The following CSMD1 variants were observed in gnomAD, a reference collection of about 807,000 sequenced individuals.
CSMD1 encodes the protein CUB and sushi domain-containing protein 1.
Under a neutral mutation model 417.5 loss-of-function variants are expected in CSMD1, and 213 were observed. The observed-to-expected ratio is 0.51, with a 90% CI of 0.46 to 0.57. CSMD1 has a LOEUF of 0.57. Ranked by LOEUF, CSMD1 falls within the 20% of genes least tolerant of loss-of-function variation. The pLI, the probability that CSMD1 is intolerant of heterozygous loss-of-function variation, is 0.00. For synonymous variants in CSMD1, 2,862 were observed against 1,736.8 expected, an observed-to-expected ratio of 1.65 and a Z score of -16.11; for missense variants, 6,923 against 4,529.7, an observed-to-expected ratio of 1.53 and a Z score of -15.17.
intron 3 of CSMD1, among the ~76,000 whole-genome samples, chr8:4,252,754 C>A (rs1230556062): frequency 3.9e-5 from 6 of 152,312 alleles, no homozygotes; most frequent in South Asian, 4.1e-4. Context: ...TTAGATGGGA[C>A]TGCAGTGGCA....
At chr8:3,357,259 C>T (rs1478829989) in intron 21 of CSMD1, among the ~76,000 whole-genome samples, 2 of 152,308 alleles carry the variant, frequency 1.3e-5, no homozygotes, top group East Asian at 1.9e-4. Flanking sequence ...CTGTCCAGTG[C>T]GGTGGTTAAA....
chr8:4,679,623 G>A (rs746389427), intron 1 of CSMD1, among the ~76,000 whole-genome samples: 3 of 152,034 alleles, frequency 2.0e-5, no homozygotes, highest in Non-Finnish European at 4.4e-5. Flanking sequence ...TAATGATAAT[G>A]TATCTACAAA....
At chr8:4,032,768 T>C (rs564420708) in intron 3 of CSMD1, among the ~76,000 whole-genome samples, 1 of 152,336 alleles carries the variant, frequency 6.6e-6, no homozygotes, top group South Asian at 2.1e-4. Flanking sequence ...AAATACTGAA[T>C]TCACTTTCAT....
chr8:3,996,786 A>G (rs926813756), intron 5 of CSMD1, among the ~76,000 whole-genome samples: 1 of 152,236 alleles, frequency 6.6e-6, no homozygotes, highest in Non-Finnish European at 1.5e-5. Context: ...CAAGCACAAT[A>G]AAATCAACCA....
intron 5 of CSMD1, among the ~76,000 whole-genome samples, chr8:3,936,656 G>C (rs139318499): frequency 2.6e-5 from 4 of 152,264 alleles, no homozygotes; most frequent in African/African-American, 9.6e-5. Context: ...TCTAAATATT[G>C]CTGCTCTTTA....
chr8:3,372,659 G>A (rs528888993), intron 18 of CSMD1, among the ~76,000 whole-genome samples: 1 of 152,136 alleles, frequency 6.6e-6, no homozygotes, highest in Non-Finnish European at 1.5e-5. Context: ...ACAGGTGAAG[G>A]AGATCTCAGG....
chr8:4,827,915 T>C (rs943884439), intron 1 of CSMD1, among the ~76,000 whole-genome samples: 11 of 152,148 alleles, frequency 7.2e-5, no homozygotes, highest in Non-Finnish European at 1.5e-4. Flanking sequence ...CAATGAAAAA[T>C]GTCAAATCCA....
intron 1 of CSMD1, among the ~76,000 whole-genome samples, chr8:4,951,386 T>A (rs1195533978): frequency 1.3e-5 from 2 of 149,628 alleles, no homozygotes; most frequent in Non-Finnish European, 3.0e-5. Flanking sequence ...CCAGTCAGGA[T>A]CAGAGGTGTG....
intron 26 of CSMD1, among the ~76,000 whole-genome samples, chr8:3,273,523 G>T (rs1398399386): frequency 2.0e-5 from 3 of 152,152 alleles, no homozygotes; most frequent in Non-Finnish European, 4.4e-5. Context: ...ATTCCTCCTT[G>T]TACCTCTGGT....
At chr8:4,711,515 T>C (rs887753862) in intron 1 of CSMD1, among the ~76,000 whole-genome samples, 1 of 151,970 alleles carries the variant, frequency 6.6e-6, no homozygotes, top group Non-Finnish European at 1.5e-5. Context: ...TTTTGGGACA[T>C]CTGTCCTGAA....
chr8:4,994,215 G>T, intron 1 of CSMD1, 117 bp downstream of exon 1: 1 of 861,132 alleles, frequency 1.2e-6, no homozygotes, highest in Admixed American at 2.2e-5. Context: ...CGATGGAGCA[G>T]CGCCGGGCAG....
At chr8:3,761,026 T>G (rs988084477) in intron 5 of CSMD1, among the ~76,000 whole-genome samples, 2 of 152,226 alleles carry the variant, frequency 1.3e-5, no homozygotes, top group Non-Finnish European at 2.9e-5. Context: ...TCATTATCTC[T>G]GTTTTGTCAA....
At chr8:4,080,243 T>C (rs1209227501) in intron 3 of CSMD1, among the ~76,000 whole-genome samples, 1 of 152,172 alleles carries the variant, frequency 6.6e-6, no homozygotes, top group Non-Finnish European at 1.5e-5. Context: ...CCATCATCAC[T>C]GCCTGCTTTT....
intron 7 of CSMD1, among the ~76,000 whole-genome samples, chr8:3,648,803 C>A (rs1172281094): frequency 6.6e-6 from 1 of 151,228 alleles, no homozygotes; most frequent in East Asian, 1.9e-4. Context: ...TTACGCGGCA[C>A]CCCTCTCAGA....
Position 3,289,522 on chromosome 8 carries a change from C to G in CSMD1, c.3951-5176G>C, listed in dbSNP as rs1224321389. ...GACTTGTTAATGATCGCCATTCTAA[C>G]TGGTGTGAGATGGTATCTCATTGTG... On this transcript the variant is annotated intron_variant, in intron 25 of 69. Coordinates refer to ENST00000635120, the MANE Select transcript of CSMD1 (RefSeq NM_033225.6). 3.5e-5 allele frequency among the ~76,000 whole-genome samples: 5 copies of G among 141,962 alleles called. 1 individual carries two copies. The highest frequency in any genetic ancestry group is 1.4e-4 in the African/African-American group (5 of 36,094). The allele number at this position is 141,962 out of a possible 152,430, so 93.1% of individuals were successfully genotyped here.
At chr8:4,085,656 T>C (rs1800380423) in intron 3 of CSMD1, among the ~76,000 whole-genome samples, 1 of 152,206 alleles carries the variant, frequency 6.6e-6, no homozygotes, top group Non-Finnish European at 1.5e-5. Context: ...CCCTAGGTTT[T>C]TGCATACTGT....
chr8:3,622,356 G>C (rs1005216369), intron 7 of CSMD1, among the ~76,000 whole-genome samples: 5 of 152,282 alleles, frequency 3.3e-5, no homozygotes, highest in Admixed American at 3.3e-4. Flanking sequence ...ATAGACTCTA[G>C]CTTGGTAGTT....
At chr8:3,147,009 G>C (rs1246499383) in intron 40 of CSMD1, among the ~76,000 whole-genome samples, 1 of 152,116 alleles carries the variant, frequency 6.6e-6, no homozygotes, top group Non-Finnish European at 1.5e-5. Flanking sequence ...TTTTCTTCAA[G>C]AAGGGGCAAT....
chr8:3,759,353 T>C (rs7825008), intron 5 of CSMD1, among the ~76,000 whole-genome samples: 77,517 of 151,894 alleles, frequency 0.51, 20,025 homozygotes, highest in African/African-American at 0.58. Flanking sequence ...GACACAATTC[T>C]TATCTATTCA....
Sources: gnomAD v4.1 joint callset for allele counts (sites outside exome capture counted in the v4.1 genomes callset) on GRCh38, gnomAD v4.1.1 for gene constraint, MANE v1.5 for transcripts, NCBI Gene and HGNC (gene_info 2026-07-23, HGNC 2026-07-21) for gene names.